ADAMTS10: variants seen among roughly 807,000 people sequenced by gnomAD.
The protein encoded by ADAMTS10 is A disintegrin and metalloproteinase with thrombospondin motifs 10.
Under a neutral mutation model 135.9 loss-of-function variants are expected in ADAMTS10, and 48 were observed. The ratio of observed to expected loss-of-function variants is 0.35; its 90% CI spans 0.28 to 0.45. ADAMTS10 has a LOEUF of 0.45. Among genes scored for constraint, ADAMTS10 ranks in the 20% least tolerant of loss-of-function variants. The probability of loss-of-function intolerance (pLI) is 1.00; values close to 1 mark genes in which losing one functional copy is unlikely to be tolerated. For synonymous variants in ADAMTS10, 621 were observed against 647.5 expected, an observed-to-expected ratio of 0.96 and a Z score of 0.62; for missense variants, 1,131 against 1,565.2, an observed-to-expected ratio of 0.72 and a Z score of 4.68.
intron 18 of ADAMTS10, among the ~76,000 whole-genome samples, chr19:8,587,333 C>CTTTTTTTTTT (rs559435857): frequency 6.5e-4 from 50 of 77,466 alleles, no homozygotes; most frequent in East Asian, 9.8e-4. Context: ...ACTAAAAAAC[C>CTTTTTTTTTT]TTTTTTTTTT....
chr19:8,596,122 G>T lies in ADAMTS10; in HGVS notation c.1288C>A (p.Pro430Thr). The T allele has an allele frequency of 6.2e-7, 1 of 1,614,208 alleles. No individual in the cohort carries two copies. Among genetic ancestry groups the T allele is most frequent in the Non-Finnish European group, 8.5e-7 (1 of 1,180,038 alleles). ...MAAHITMKTNPFVWSSCSRDY... is the reference protein window; with the variant it reads ...MAAHITMKTNTFVWSSCSRDY... ...CGGCTGCAGGATGACCACACGAATGGGTTGGTCTTCATGGTAATGTGGGCA... is the reference window on the plus strand; with the variant it reads ...CGGCTGCAGGATGACCACACGAATGTGTTGGTCTTCATGGTAATGTGGGCA... The change falls in exon 11 of 26, where the codon CCA (proline) becomes ACA (threonine). Residue 430 changes from proline (P) to threonine (T), a missense_variant. Pro to Thr is a conservative substitution (Grantham distance 38). Coordinates refer to ENST00000597188, the MANE Select transcript of ADAMTS10 (RefSeq NM_030957.4). The surrounding 1 kb of genome is among the most constrained non-coding windows in gnomAD (Gnocchi z 7.2).
rs141630862 is a variant in ADAMTS10, at chr19:8,605,144, G to C, written c.303C>G (p.His101Gln). The C allele has an allele frequency of 6.2e-7, 1 of 1,613,728 alleles. No individual in the cohort carries two copies. The highest frequency in any genetic ancestry group is 8.5e-7 in the Non-Finnish European group (1 of 1,179,924). ...CCCGTGTCCAGTACTCCACGGAGAC[G>C]TGCCCTGCCAGTAGACGGGAGCTGC... is the stretch of plus-strand genomic sequence containing the variant. The part of the protein sequence containing the change: ...LTRSSRLLAG[H>Q]VSVEYWTREG... The change falls in exon 4 of 26, where the codon CAC becomes CAG. Residue 101 changes from histidine to glutamine, a missense_variant. His to Gln is a conservative substitution (Grantham distance 24). Coordinates refer to ENST00000597188, the MANE Select transcript of ADAMTS10 (RefSeq NM_030957.4). The surrounding 1 kb of genome is among the most constrained non-coding windows in gnomAD (Gnocchi z 7.7).
Position 8,605,856 on chromosome 19 carries a change from G to A in ADAMTS10, c.-99-47C>T. ...AGGGGGCGCCTGGTCCCGCTGTCCAGCACAACCAATGCCAAGGCCAATCAT... is the reference window on the plus strand; with the variant it reads ...AGGGGGCGCCTGGTCCCGCTGTCCAACACAACCAATGCCAAGGCCAATCAT... On this transcript the variant is annotated intron_variant, in intron 2 of 25. Transcript: ENST00000597188. The surrounding 1 kb of genome is among the most constrained non-coding windows in gnomAD (Gnocchi z 7.7). 1 of 1,449,124 alleles carries A rather than the reference G, an allele frequency of 6.9e-7. No homozygotes were observed. The highest frequency in any genetic ancestry group is 9.1e-7 in the Non-Finnish European group (1 of 1,102,036). The allele number at this position is 1,449,124 out of a possible 1,614,324, so 89.8% of individuals were successfully genotyped here. A position where few individuals can be genotyped will look rare whatever the true frequency, so the allele number is the denominator to read the frequency against.
At position 8,582,018 on chromosome 19, in the gene ADAMTS10, G is replaced by A. The variant is rs190488406; in HGVS notation, c.3203-1016C>T. Among the ~76,000 whole-genome samples the A allele has an allele frequency of 2.6e-3, 383 of 148,298 alleles. 5 individuals carry two copies. The East Asian group carries it at 0.055, about 21-fold the overall frequency. Reference sequence around the variant, plus strand: ...TGCACTCTAGCCTGGGCGACAGAGCGAGACCCTGTCAAACAAACAAACAAA... The same window carrying A: ...TGCACTCTAGCCTGGGCGACAGAGCAAGACCCTGTCAAACAAACAAACAAA... On this transcript the variant is annotated intron_variant, in intron 25 of 25. Coordinates refer to ENST00000597188, the MANE Select transcript of ADAMTS10 (RefSeq NM_030957.4).
In ADAMTS10 at chr19:8,580,246, G is replaced by T. The variant is rs2042324681; in HGVS notation, c.*647C>A. 1 of 153,274 alleles carries T rather than the reference G, an allele frequency of 6.5e-6. No homozygotes were observed. Among genetic ancestry groups the T allele is most frequent in the African/African-American group, 2.4e-5 (1 of 41,412 alleles). 9.5% of individuals were successfully genotyped at this position (153,274 alleles called of 1,614,324 possible). A position where few individuals can be genotyped will look rare whatever the true frequency, so the allele number is the denominator to read the frequency against. ...TGACACACACACACCGCAATTCGTAGAAATCTACACAAGACAGAACTTTAT... is the reference window on the plus strand; with the variant it reads ...TGACACACACACACCGCAATTCGTATAAATCTACACAAGACAGAACTTTAT... On this transcript the variant is annotated 3_prime_UTR_variant, in exon 26 of 26. Transcript: ENST00000597188.
In ADAMTS10 at chr19:8,597,018, C is replaced by A; in HGVS notation, c.1009G>T (p.Ala337Ser). 6.2e-7 allele frequency: 1 copy of A among 1,614,030 alleles called. No homozygotes were observed. The highest frequency in any genetic ancestry group is 8.5e-7 in the Non-Finnish European group (1 of 1,180,022). ...HGNAIPENGVANHDTAVLITR... is the reference protein window; with the variant it reads ...HGNAIPENGVSNHDTAVLITR... Reference sequence around the variant, plus strand: ...ATGAGCACTGCTGTGTCATGGTTAGCCACACCGTTCTCTGGAATGGCATTG... The same window carrying A: ...ATGAGCACTGCTGTGTCATGGTTAGACACACCGTTCTCTGGAATGGCATTG... The change falls in exon 8 of 26, where the codon GCT (alanine) becomes TCT (serine). Residue 337 changes from alanine (A) to serine (S), a missense_variant. Physicochemically the swap from Ala to Ser is moderately conservative, Grantham distance 99 (BLOSUM62 1). This residue lies in a region of ADAMTS10 where 80 missense variants were observed against 164.4 expected (regional missense o/e 0.49). Transcript: ENST00000597188.
chr19:8,586,289 G>A (rs2042428399), intron 21 of ADAMTS10, 38 bp from the exon 22 acceptor site: 4 of 1,613,104 alleles, frequency 2.5e-6, no homozygotes, highest in African/African-American at 1.3e-5. Context: ...AGCCCCTCCC[G>A]GCCCAGAGAA....
chr19:8,590,448 ATTATTTATTTAT>A (rs543968321), intron 15 of ADAMTS10, among the ~76,000 whole-genome samples: 1 of 141,962 alleles, frequency 7.0e-6, no homozygotes, highest in South Asian at 2.2e-4. Context: ...TAATTTTTGC[ATTATTTATTTAT>A]TTATTTATTT....
At position 8,590,104 on chromosome 19, in the gene ADAMTS10, A is replaced by G. The variant is rs1356308030; in HGVS notation, c.1798-113T>C. 4.4e-5 allele frequency: 34 copies of G among 770,110 alleles called. No homozygotes were observed. The East Asian group carries it at 7.2e-4, about 16-fold the overall frequency. The allele number at this position is 770,110 out of a possible 1,614,324, so 47.7% of individuals were successfully genotyped here. On this transcript the variant is annotated intron_variant, in intron 15 of 25. Coordinates refer to ENST00000597188, the MANE Select transcript of ADAMTS10 (RefSeq NM_030957.4). ...GAGGGAGGCTAGAGGCAGGGAGGCC[A>G]GGGAGGAGGCTGTGGTGGTCTGCGT...
At position 8,596,440 on chromosome 19, in the gene ADAMTS10, G is replaced by C; in HGVS notation, c.1085-28C>G. ...GGGAAGACGGACATGTGGGGATGGGGCTGGGAGGCTCAGGACGGTGCTGGC... is the reference window on the plus strand; with the variant it reads ...GGGAAGACGGACATGTGGGGATGGGCCTGGGAGGCTCAGGACGGTGCTGGC... On this transcript the variant is annotated intron_variant, in intron 9 of 25. Coordinates refer to ENST00000597188, the MANE Select transcript of ADAMTS10 (RefSeq NM_030957.4). This position sits in a 1 kb window ranked among gnomAD's most constrained non-coding sequence, Gnocchi z 7.2. The C allele has an allele frequency of 6.2e-7, 1 of 1,613,612 alleles. No individual in the cohort carries two copies. Among genetic ancestry groups the C allele is most frequent in the Non-Finnish European group, 8.5e-7 (1 of 1,179,732 alleles).
At chr19:8,589,610 C>G (rs1555738376) in intron 16 of ADAMTS10, 25 bp from the exon 17 acceptor site, 1 of 1,612,938 alleles carries the variant, frequency 6.2e-7, no homozygotes, top group East Asian at 2.2e-5. Flanking sequence ...CCCGTCACAC[C>G]ACGGGCCAGG....
chr19:8,586,197 G>C lies in ADAMTS10; in HGVS notation c.2585C>G (p.Ala862Gly), dbSNP rs2042426415. The C allele has an allele frequency of 6.2e-7, 1 of 1,613,046 alleles. No homozygotes were observed. The highest frequency in any genetic ancestry group is 8.5e-7 in the Non-Finnish European group (1 of 1,179,956). ...CRNQLDSSAV[A>G]PHYCSAHSKL... Reference sequence around the variant, plus strand: ...GCTGTGGGCACTGCAGTAGTGGGGGGCGACCGCGGAGCTGTCCAGCTGGTT... The same window carrying C: ...GCTGTGGGCACTGCAGTAGTGGGGGCCGACCGCGGAGCTGTCCAGCTGGTT... The change falls in exon 22 of 26, where the codon GCC (alanine) becomes GGC (glycine). Residue 862 changes from alanine (A) to glycine (G), a missense_variant. Physicochemically the swap from Ala to Gly is moderately conservative, Grantham distance 60. Transcript: ENST00000597188.
chr19:8,595,645 C>G (rs995207775), intron 12 of ADAMTS10, 117 bp downstream of exon 12: 27 of 1,519,874 alleles, frequency 1.8e-5, no homozygotes, highest in Non-Finnish European at 2.2e-5. Context: ...CACCTCACCC[C>G]CCTTCCCGGT....
chr19:8,601,287 C>T lies in ADAMTS10; in HGVS notation c.593-142G>A. On this transcript the variant is annotated intron_variant, in intron 5 of 25. Coordinates refer to ENST00000597188, the MANE Select transcript of ADAMTS10 (RefSeq NM_030957.4). This position sits in a 1 kb window ranked among gnomAD's most constrained non-coding sequence, Gnocchi z 4.6. Reference sequence around the variant, plus strand: ...CAATTTCTGGTCATTCTGCTGCCTTCTCTTGTTGTCCAGCTACCTGTGTGA... The same window carrying T: ...CAATTTCTGGTCATTCTGCTGCCTTTTCTTGTTGTCCAGCTACCTGTGTGA... The T allele has an allele frequency of 4.3e-6, 4 of 923,078 alleles. No individual in the cohort carries two copies. Among genetic ancestry groups the T allele is most frequent in the Non-Finnish European group, 6.8e-6 (4 of 591,780 alleles). 57.2% of individuals were successfully genotyped at this position (923,078 alleles called of 1,614,324 possible).
In ADAMTS10 at chr19:8,596,717, A is replaced by G; in HGVS notation, c.1041-132T>C. The G allele has an allele frequency of 8.4e-7, 1 of 1,186,324 alleles. No individual in the cohort carries two copies. 73.5% of individuals were successfully genotyped at this position (1,186,324 alleles called of 1,614,324 possible). A position where few individuals can be genotyped will look rare whatever the true frequency, so the allele number is the denominator to read the frequency against. ...CTGCCTCTCACCTGAAGCTGCATAC[A>G]GGAGTGACTGACCACATGAATGAAT... On this transcript the variant is annotated intron_variant, in intron 8 of 25. Coordinates refer to ENST00000597188, the MANE Select transcript of ADAMTS10 (RefSeq NM_030957.4). This position sits in a 1 kb window ranked among gnomAD's most constrained non-coding sequence, Gnocchi z 7.2.
chr19:8,580,907 A>C lies in ADAMTS10; in HGVS notation c.3298T>G (p.Cys1100Gly). The part of the protein sequence containing the change: ...AYFRQMCCKT[C>G]HGH ...CCGCGCGCCCCCTAGTGGCCATGGC[A>C]GGTTTTGCAGCACATCTGGCGGAAG... The change falls in exon 26 of 26, where the codon TGC (cysteine) becomes GGC (glycine). Residue 1100 changes from cysteine to glycine, a missense_variant. Cys to Gly is a radical substitution (Grantham distance 159, BLOSUM62 -3). This residue lies in a region of ADAMTS10 where 745 missense variants were observed against 1,056.3 expected (regional missense o/e 0.71). Coordinates refer to ENST00000597188, the MANE Select transcript of ADAMTS10 (RefSeq NM_030957.4). 6.2e-7 allele frequency: 1 copy of C among 1,611,078 alleles called. No homozygotes were observed. Among genetic ancestry groups the C allele is most frequent in the Non-Finnish European group, 8.5e-7 (1 of 1,178,796 alleles).
At chr19:8,594,329 A>C (rs1480076174) in intron 12 of ADAMTS10, among the ~76,000 whole-genome samples, 1 of 152,188 alleles carries the variant, frequency 6.6e-6, no homozygotes, top group East Asian at 1.9e-4. Flanking sequence ...GACAGGATAG[A>C]TAAGAAAGGA....
At chr19:8,597,807 AT>A (rs574630456) in intron 6 of ADAMTS10, among the ~76,000 whole-genome samples, 164 of 144,788 alleles carry the variant, frequency 1.1e-3, no homozygotes, top group Middle Eastern at 7.2e-3. Context: ...TGCCCACTTA[AT>A]TTTTTTTTTT....
intron 4 of ADAMTS10, 104 bp downstream of exon 4, chr19:8,604,903 TTAAAA>T: frequency 7.8e-7 from 1 of 1,278,032 alleles, no homozygotes; most frequent in South Asian, 1.3e-5. Flanking sequence ...CTCAAAACAC[TTAAAA>T]AACATCCCAC....
Sources: allele counts gnomAD v4.1 joint callset (sites outside exome capture counted in the v4.1 genomes callset), GRCh38; gene constraint gnomAD v4.1.1; regional missense constraint gnomAD v4.1.1; non-coding constraint Gnocchi (gnomAD v3.1); transcripts MANE v1.5; gene names NCBI Gene and HGNC (gene_info 2026-07-23, HGNC 2026-07-21).